JAK2: variants seen among roughly 807,000 people sequenced by gnomAD.
The protein encoded by JAK2 is tyrosine-protein kinase JAK2.
A neutral mutation model predicts 139.3 loss-of-function variants in JAK2; 86 were observed. That is an observed-to-expected ratio of 0.62 (90% confidence interval 0.52 to 0.74). JAK2 has a LOEUF of 0.74. JAK2 is among the 30% of genes least tolerant of loss of function. JAK2 has a pLI of 0.00. For missense variants in JAK2, 1,421 were observed against 1,360.3 expected, an observed-to-expected ratio of 1.04 and a Z score of -0.70; for synonymous variants, 490 against 437.7, an observed-to-expected ratio of 1.12 and a Z score of -1.49.
chr9:5,094,399 T>A (rs1820818933), intron 22 of JAK2: 1 of 152,146 alleles, frequency 6.6e-6, no homozygotes, highest in South Asian at 2.1e-4. Flanking sequence ...TCTAGCCACA[T>A]CAAGCCTAGC....
At chr9:5,115,345 T>C (rs1288723655) in intron 22 of JAK2, among the ~76,000 whole-genome samples, 1 of 151,976 alleles carries the variant, frequency 6.6e-6, no homozygotes, top group Non-Finnish European at 1.5e-5. Context: ...GAAATGCAAA[T>C]CAAAACCAGA....
intron 22 of JAK2, among the ~76,000 whole-genome samples, chr9:5,116,231 A>C (rs1823165689): frequency 6.6e-6 from 1 of 152,212 alleles, no homozygotes; most frequent in African/African-American, 2.4e-5. Context: ...TGACTAGTAA[A>C]TCACTGGACC....
At chr9:4,996,928 C>CTTTTTTTTTTTTTTTT (rs1166992356) in intron 2 of JAK2, among the ~76,000 whole-genome samples, 1 of 94,704 alleles carries the variant, frequency 1.1e-5, no homozygotes, top group Non-Finnish European at 2.0e-5. Context: ...TTAGTTTGTT[C>CTTTTTTTTTTTTTTTT]TTTTTTTTTT....
At chr9:5,052,865 A>G (rs1430981601) in intron 6 of JAK2, among the ~76,000 whole-genome samples, 5 of 152,042 alleles carry the variant, frequency 3.3e-5, no homozygotes, top group African/African-American at 1.2e-4. Context: ...CATTATATAG[A>G]TATACCACAT....
In JAK2 at chr9:5,077,618, T is replaced by G. The variant is rs1452928342; in HGVS notation, c.1992+38T>G. On this transcript the variant is annotated intron_variant, in intron 15 of 24. Transcript: ENST00000381652. ...ACCTTTTTATCAAAAGATACTATTT[T>G]ATTTTATAAAACAATATACAAATTA... The G allele has an allele frequency of 3.8e-6, 5 of 1,320,954 alleles. No homozygotes were observed. The African/African-American group carries it at 7.8e-5, about 21-fold the overall frequency. 81.8% of individuals were successfully genotyped at this position (1,320,954 alleles called of 1,614,324 possible).
intron 22 of JAK2, among the ~76,000 whole-genome samples, chr9:5,092,367 C>T (rs973813302): frequency 7.2e-5 from 11 of 152,030 alleles, no homozygotes; most frequent in African/African-American, 2.4e-4. Context: ...GGAGATAAGT[C>T]GTAATATGGT....
intron 2 of JAK2, among the ~76,000 whole-genome samples, chr9:5,011,396 C>T (rs957836429): frequency 2.6e-5 from 4 of 152,086 alleles, no homozygotes; most frequent in Admixed American, 2.6e-4. Flanking sequence ...TGCTATGTTG[C>T]CAGGGCTAGT....
intron 16 of JAK2, 48 bp from the exon 17 acceptor site, chr9:5,080,181 G>C: frequency 7.3e-7 from 1 of 1,378,502 alleles, no homozygotes; most frequent in Non-Finnish European, 1.0e-6. Flanking sequence ...TAAAAGATTG[G>C]TTTACTTGTG....
At position 5,123,001 on chromosome 9, in the gene JAK2, C is replaced by A; in HGVS notation, c.3060-3C>A. On this transcript the variant is annotated splice_polypyrimidine_tract_variant and splice_region_variant and intron_variant, in intron 22 of 24. Coordinates refer to ENST00000381652, the MANE Select transcript of JAK2 (RefSeq NM_004972.4). Reference sequence around the variant, plus strand: ...CTTTTAAATGTTATTCATATATTTACAGGTATGCTCCAGAATCACTGACAG... The same window carrying A: ...CTTTTAAATGTTATTCATATATTTAAAGGTATGCTCCAGAATCACTGACAG... 3 of 1,585,020 alleles carry A rather than the reference C, an allele frequency of 1.9e-6. No individual in the cohort carries two copies. The highest frequency in any genetic ancestry group is 2.6e-6 in the Non-Finnish European group (3 of 1,158,498).
chr9:5,090,015 T>C (rs781300250), intron 20 of JAK2, 152 bp downstream of exon 20: 2 of 463,090 alleles, frequency 4.3e-6, no homozygotes, highest in Admixed American at 4.3e-5. Flanking sequence ...TTGGTGATCA[T>C]AGACTATAAC....
At chr9:5,030,055 G>C (rs1175770679) in intron 4 of JAK2, 149 bp downstream of exon 4, 1 of 642,038 alleles carries the variant, frequency 1.6e-6, no homozygotes, top group African/African-American at 1.9e-5. Context: ...ATTCTATTCT[G>C]TTTCTCCATC....
chr9:5,084,301 G>T (rs912571677), intron 19 of JAK2, among the ~76,000 whole-genome samples: 2 of 151,982 alleles, frequency 1.3e-5, no homozygotes, highest in Non-Finnish European at 2.9e-5. Context: ...ATCTTTGTTT[G>T]TTTGAAGTAA....
intron 23 of JAK2, among the ~76,000 whole-genome samples, chr9:5,124,308 C>T (rs1403043590): frequency 6.6e-6 from 1 of 151,518 alleles, no homozygotes; most frequent in African/African-American, 2.4e-5. Context: ...TTAAAGTTTT[C>T]TCTAGGTTTT....
At chr9:5,088,739 A>T (rs948378184) in intron 19 of JAK2, among the ~76,000 whole-genome samples, 1 of 152,214 alleles carries the variant, frequency 6.6e-6, no homozygotes, top group African/African-American at 2.4e-5. Context: ...CTTGGCTTGC[A>T]GATGGCCATC....
chr9:5,058,903 G>C (rs148660222), intron 8 of JAK2, among the ~76,000 whole-genome samples: 1 of 151,948 alleles, frequency 6.6e-6, no homozygotes, highest in African/African-American at 2.4e-5. Flanking sequence ...CTGAATTATA[G>C]AAATTATTTA....
intron 2 of JAK2, among the ~76,000 whole-genome samples, chr9:4,989,058 C>T (rs1820110708): frequency 6.6e-6 from 1 of 152,204 alleles, no homozygotes; most frequent in African/African-American, 2.4e-5. Flanking sequence ...AGAGATTCCA[C>T]TCTAATACTC....
At chr9:4,989,205 C>A (rs929835303) in intron 2 of JAK2, among the ~76,000 whole-genome samples, 5 of 152,200 alleles carry the variant, frequency 3.3e-5, no homozygotes, top group African/African-American at 1.2e-4. Context: ...GATCTCTAGT[C>A]CTTAAGCTTG....
chr9:5,017,605 G>A (rs796362636), intron 2 of JAK2, among the ~76,000 whole-genome samples: 8 of 152,188 alleles, frequency 5.3e-5, no homozygotes, highest in African/African-American at 1.9e-4. Flanking sequence ...CCTTTTTGAT[G>A]TAGGTATTTA....
intron 22 of JAK2, among the ~76,000 whole-genome samples, chr9:5,121,248 C>T (rs1823598731): frequency 6.6e-6 from 1 of 152,134 alleles, no homozygotes; most frequent in African/African-American, 2.4e-5. Context: ...AAGCAGTCCC[C>T]TAAGAGATTT....
Sources: allele counts gnomAD v4.1 joint callset (sites outside exome capture counted in the v4.1 genomes callset), GRCh38; gene constraint gnomAD v4.1.1; transcripts MANE v1.5; gene names NCBI Gene and HGNC (gene_info 2026-07-23, HGNC 2026-07-21).